TSKS: variants seen among roughly 807,000 people sequenced by gnomAD.
TSKS encodes testis-specific serine kinase substrate.
TSKS carries 27 observed loss-of-function variants against 68.0 expected under a neutral mutation model. The ratio of observed to expected loss-of-function variants is 0.40; its 90% CI spans 0.29 to 0.55. The LOEUF is 0.55. Among genes scored for constraint, TSKS ranks in the 20% least tolerant of loss-of-function variants. The pLI is 0.53. For missense variants in TSKS, 806 were observed against 776.0 expected, an observed-to-expected ratio of 1.04 and a Z score of -0.46; for synonymous variants, 331 against 340.4, an observed-to-expected ratio of 0.97 and a Z score of 0.30.
At position 49,745,219 on chromosome 19, in the gene TSKS, C is replaced by T. The variant is rs765045093; in HGVS notation, c.1170G>A (p.Ala390=). Residue 390 remains alanine (A), a synonymous_variant, in exon 7 of 11, where the codon GCG becomes GCA. Coordinates refer to ENST00000246801, the MANE Select transcript of TSKS (RefSeq NM_021733.2). ...ATCCTCACATGGTGCACAGCTCATC[C>T]GCCCGACCTCGCAGCTCCTGCAAGT... ...ARDLQELRGR[A]DELCTMVERS... is the part of the protein sequence containing the mutation. 3.1e-6 allele frequency: 5 copies of T among 1,602,890 alleles called. No homozygotes were observed. The highest frequency in any genetic ancestry group is 2.7e-5 in the African/African-American group (2 of 74,788).
At chr19:49,745,126 T>A in intron 7 of TSKS, 76 bp downstream of exon 7, 1 of 1,421,494 alleles carries the variant, frequency 7.0e-7, no homozygotes, top group Non-Finnish European at 9.4e-7. Flanking sequence ...CCTACCCATT[T>A]CCCTCAAGAC....
At chr19:49,753,990 T>C (rs1422133173) in intron 2 of TSKS, among the ~76,000 whole-genome samples, 5 of 149,172 alleles carry the variant, frequency 3.4e-5, no homozygotes, top group Non-Finnish European at 7.4e-5. Context: ...GTTCAAGCGA[T>C]TCCCCTGCCT....
chr19:49,743,511 T>TA (rs2084270105), intron 8 of TSKS, among the ~76,000 whole-genome samples: 1 of 145,402 alleles, frequency 6.9e-6, no homozygotes, highest in Admixed American at 6.8e-5. Flanking sequence ...TTTTTTTTTT[T>TA]TTTTGAGATG....
At chr19:49,761,048 C>T (rs781441642) in intron 2 of TSKS, among the ~76,000 whole-genome samples, 11 of 151,484 alleles carry the variant, frequency 7.3e-5, no homozygotes, top group African/African-American at 9.7e-5. Flanking sequence ...GCCAAGATCA[C>T]GCCATTGCAC....
At chr19:49,759,153 G>A (rs917398172) in intron 2 of TSKS, among the ~76,000 whole-genome samples, 16 of 150,770 alleles carry the variant, frequency 1.1e-4, no homozygotes, top group African/African-American at 1.5e-4. Flanking sequence ...CACGAAGCCC[G>A]GCCTCAAATA....
rs552528197 is a variant in TSKS, at chr19:49,761,132, C to T, written c.399+872G>A. On this transcript the variant is annotated intron_variant, in intron 2 of 10. Transcript: ENST00000246801. ...TAAATAAAATTTAAAAATAAAGGAA[C>T]GAATGTATGCATCTCCGTTTTACAG... Among the ~76,000 whole-genome samples, 13 of 152,044 alleles carry T rather than the reference C, an allele frequency of 8.6e-5. No homozygotes were observed. The South Asian group carries it at 2.1e-3, about 24-fold the overall frequency.
chr19:49,753,594 T>TAATAAA (rs1195769677), intron 2 of TSKS, among the ~76,000 whole-genome samples: 11 of 136,924 alleles, frequency 8.0e-5, no homozygotes, highest in Admixed American at 1.5e-4. Flanking sequence ...ATAATAATAA[T>TAATAAA]AAAATAAAAT....
intron 2 of TSKS, among the ~76,000 whole-genome samples, chr19:49,754,553 T>G (rs1347416431): frequency 6.6e-6 from 1 of 151,684 alleles, no homozygotes; most frequent in African/African-American, 2.4e-5. Flanking sequence ...TTATAAGGCA[T>G]GCAAAGAAAA....
chr19:49,757,200 C>T (rs188649253), intron 2 of TSKS, among the ~76,000 whole-genome samples: 1 of 152,266 alleles, frequency 6.6e-6, no homozygotes, highest in East Asian at 1.9e-4. Flanking sequence ...TGAAGAGGCC[C>T]ATGTAGCAAG....
intron 2 of TSKS, among the ~76,000 whole-genome samples, chr19:49,759,468 C>CAAAA (rs557013917): frequency 2.8e-5 from 3 of 105,472 alleles, no homozygotes; most frequent in African/African-American, 1.0e-4. Context: ...ACTCCATTTC[C>CAAAA]AAAAAAAAAA....
chr19:49,763,061 G>C lies in TSKS; in HGVS notation c.170+17C>G. ...CTGGGCATTAGAACCATCCCTGACA[G>C]TGTGCAACAAACCCACCCGTGGAAC... On this transcript the variant is annotated intron_variant, in intron 1 of 10. Transcript: ENST00000246801. The surrounding 1 kb of genome is among the most constrained non-coding windows in gnomAD (Gnocchi z 4.5). The C allele has an allele frequency of 6.2e-7, 1 of 1,608,156 alleles. No homozygotes were observed. The highest frequency in any genetic ancestry group is 8.5e-7 in the Non-Finnish European group (1 of 1,176,980).
At position 49,762,051 on chromosome 19, in the gene TSKS, G is replaced by A. The variant is rs1228623914; in HGVS notation, c.352C>T (p.Pro118Ser). The change falls in exon 2 of 11, where the codon CCT becomes TCT. Residue 118 changes from proline (P) to serine (S), a missense_variant. Coordinates refer to ENST00000246801, the MANE Select transcript of TSKS (RefSeq NM_021733.2). ...TCATCCGGATCCCAGGGTAGGGTAG[G>A]GGAGGCAGGGGGCCCAGCCAGTGTG... Reference protein sequence around the residue: ...QLTLAGPPASPTLPWDPDDAD... With the variant: ...QLTLAGPPASSTLPWDPDDAD... 2.5e-6 allele frequency: 4 copies of A among 1,613,990 alleles called. No homozygotes were observed. The highest frequency in any genetic ancestry group is 3.4e-6 in the Non-Finnish European group (4 of 1,180,026).
At chr19:49,747,267 G>A in intron 5 of TSKS, 122 bp downstream of exon 5, 2 of 1,583,538 alleles carry the variant, frequency 1.3e-6, no homozygotes, top group Non-Finnish European at 1.7e-6. Context: ...GGATGACTAT[G>A]TGCACGAAGG....
chr19:49,742,845 C>T (rs1402719198), intron 8 of TSKS, among the ~76,000 whole-genome samples: 6 of 151,940 alleles, frequency 3.9e-5, no homozygotes, highest in Non-Finnish European at 7.4e-5. Flanking sequence ...TTGCAAAGGC[C>T]GTCAAGAACT....
At chr19:49,760,837 T>C (rs893437039) in intron 2 of TSKS, among the ~76,000 whole-genome samples, 3 of 150,986 alleles carry the variant, frequency 2.0e-5, no homozygotes, top group African/African-American at 4.9e-5. Flanking sequence ...GCCTGTAATC[T>C]CAGCACTTTG....
At chr19:49,753,509 C>T (rs1307661189) in intron 2 of TSKS, among the ~76,000 whole-genome samples, 1 of 150,998 alleles carries the variant, frequency 6.6e-6, no homozygotes, top group Non-Finnish European at 1.5e-5. Context: ...TTGCAGTGAG[C>T]CGAGATCGCG....
intron 2 of TSKS, among the ~76,000 whole-genome samples, chr19:49,753,596 A>ATAATAATAATAAT (rs1555789510): frequency 9.4e-5 from 12 of 127,594 alleles, no homozygotes; most frequent in African/African-American, 3.1e-4. Flanking sequence ...AATAATAATA[A>ATAATAATAATAAT]AATAAAATTA....
At chr19:49,753,092 C>A (rs192256400) in intron 2 of TSKS, among the ~76,000 whole-genome samples, 11 of 152,324 alleles carry the variant, frequency 7.2e-5, no homozygotes, top group Non-Finnish European at 8.8e-5. Flanking sequence ...ACAAAGAACA[C>A]AGATATTACA....
In TSKS at chr19:49,753,729, G is replaced by C. The variant is rs115693907; in HGVS notation, c.400-5260C>G. Among the ~76,000 whole-genome samples, 1,225 of 149,292 alleles carry C rather than the reference G, an allele frequency of 8.2e-3. 16 individuals carry two copies. The highest frequency in any genetic ancestry group is 0.028 in the African/African-American group (1,148 of 40,910). ...AATCATGCCACTGTACAGTGGCCTG[G>C]GCAACAGAGCAAGATCATGTCTCAA... On this transcript the variant is annotated intron_variant, in intron 2 of 10. Coordinates refer to ENST00000246801, the MANE Select transcript of TSKS (RefSeq NM_021733.2).
Sources: gnomAD v4.1 joint callset for allele counts (sites outside exome capture counted in the v4.1 genomes callset) on GRCh38, gnomAD v4.1.1 for gene constraint, Gnocchi (gnomAD v3.1) non-coding constraint, MANE v1.5 for transcripts, NCBI Gene and HGNC (gene_info 2026-07-23, HGNC 2026-07-21) for gene names.